Variants in LRP11 observed in about 807,000 individuals in gnomAD.
The protein encoded by LRP11 is low-density lipoprotein receptor-related protein 11.
In LRP11, 25 loss-of-function variants were observed where a neutral mutation model predicts 43.1. That is an observed-to-expected ratio of 0.58 (90% CI 0.42 to 0.81). The LOEUF (loss-of-function observed/expected upper bound fraction) is 0.81. Among genes scored for constraint, LRP11 ranks in the 30% least tolerant of loss-of-function variants. The pLI is 0.00. For synonymous variants in LRP11, 316 were observed against 299.4 expected (o/e 1.06, Z -0.57); for missense variants, 623 against 665.1 (o/e 0.94, Z 0.70).
Position 149,863,855 on chromosome 6 carries a change from C to T in LRP11, c.166G>A (p.Glu56Lys), listed in dbSNP as rs1455672466. ...CGGCGGAACTCCTCCAGCAGCTGCT[C>T]CACGCCCGACAGCTGCGCGTGCAGT... ...SELHAQLSGV[E>K]QLLEEFRRQL... Residue 56 changes from glutamate to lysine, a missense_variant, in exon 1 of 7, where the codon GAG (glutamate) becomes AAG (lysine). Glu to Lys is a moderately conservative substitution (Grantham distance 56, BLOSUM62 1). Coordinates refer to ENST00000239367, the MANE Select transcript of LRP11 (RefSeq NM_032832.6). The T allele has an allele frequency of 4.0e-6, 6 of 1,511,682 alleles. No homozygotes were observed. The highest frequency in any genetic ancestry group is 5.3e-6 in the Non-Finnish European group (6 of 1,139,376). 93.6% of individuals were successfully genotyped at this position (1,511,682 alleles called of 1,614,324 possible).
chr6:149,863,740 C>T lies in LRP11; in HGVS notation c.281G>A (p.Ser94Asn), dbSNP rs548167870. ...GTCAGGCATTGCGCTGTAGCCGCCG[C>T]TGCCCGGGCCCGGGCAGTCCTCCTG... is the stretch of plus-strand genomic sequence containing the variant. Reference protein sequence around the residue: ...GPQEDCPGPGSGGYSAMPDAI... With the variant: ...GPQEDCPGPGNGGYSAMPDAI... The change falls in exon 1 of 7, where the codon AGC becomes AAC. Residue 94 changes from serine (S) to asparagine (N), a missense_variant. Transcript: ENST00000239367. 1 of 1,478,482 alleles carries T rather than the reference C, an allele frequency of 6.8e-7. No individual in the cohort carries two copies. Among genetic ancestry groups the T allele is most frequent in the Non-Finnish European group, 8.9e-7 (1 of 1,121,382 alleles). 91.6% of individuals were successfully genotyped at this position (1,478,482 alleles called of 1,614,324 possible). A position where few individuals can be genotyped will look rare whatever the true frequency, so the allele number is the denominator to read the frequency against.
Position 149,863,974 on chromosome 6 carries a change from G to A in LRP11, c.47C>T (p.Pro16Leu), listed in dbSNP as rs1306344784. The change falls in exon 1 of 7, where the codon CCG (proline) becomes CTG (leucine). Residue 16 changes from proline (P) to leucine (L), a missense_variant. By Grantham distance (98) the Pro-to-Leu change is moderately conservative. Coordinates refer to ENST00000239367, the MANE Select transcript of LRP11 (RefSeq NM_032832.6). Reference sequence around the variant, plus strand: ...CCCGCGCAGCGCCCCGTGACGCGGCGGTAGCCGGCGCTGCGAGCCCGCGCT... The same window carrying A: ...CCCGCGCAGCGCCCCGTGACGCGGCAGTAGCCGGCGCTGCGAGCCCGCGCT... ...QESAGSQRRL[P>L]PRHGALRGLL... is the part of the protein sequence containing the mutation. 7.1e-6 allele frequency: 10 copies of A among 1,414,356 alleles called. No homozygotes were observed. The highest frequency in any genetic ancestry group is 9.2e-6 in the Non-Finnish European group (10 of 1,091,528). 87.6% of individuals were successfully genotyped at this position (1,414,356 alleles called of 1,614,324 possible).
intron 3 of LRP11, among the ~76,000 whole-genome samples, chr6:149,839,385 A>C (rs1776515999): frequency 1.3e-5 from 2 of 152,212 alleles, no homozygotes; most frequent in African/African-American, 4.8e-5. Flanking sequence ...ATGGGCCTGA[A>C]GGAGAGTCAG....
At chr6:149,833,186 C>T (rs1776431539) in intron 5 of LRP11, among the ~76,000 whole-genome samples, 1 of 152,178 alleles carries the variant, frequency 6.6e-6, no homozygotes. Context: ...ATCCGCCCAC[C>T]TCGGCCTCCC....
intron 1 of LRP11, among the ~76,000 whole-genome samples, chr6:149,857,038 G>A (rs1583097182): frequency 3.9e-5 from 6 of 152,282 alleles, no homozygotes; most frequent in African/African-American, 1.4e-4. Flanking sequence ...TCCCTATGGT[G>A]CTGCTGATAA....
chr6:149,863,187 GC>G (rs1776954217), intron 1 of LRP11, among the ~76,000 whole-genome samples: 1 of 152,106 alleles, frequency 6.6e-6, no homozygotes, highest in Admixed American at 6.6e-5. Context: ...TTCTCTTCAA[GC>G]CTAGAAAAAT....
chr6:149,864,352 C>T lies in LRP11; in HGVS notation c.-332G>A, dbSNP rs1288648417. On this transcript the variant is annotated 5_prime_UTR_variant, in exon 1 of 7. Coordinates refer to ENST00000239367, the MANE Select transcript of LRP11 (RefSeq NM_032832.6). The stretch of plus-strand genomic sequence containing the variant: ...GGCGTTGATCAGCACCAGGTGTGTG[C>T]GAACAGTGGCCGCGGCGGGGTGGAG... 1.2e-5 allele frequency: 12 copies of T among 1,000,748 alleles called. No homozygotes were observed. Among genetic ancestry groups the T allele is most frequent in the Non-Finnish European group, 1.4e-5 (12 of 840,364 alleles). The allele number at this position is 1,000,748 out of a possible 1,614,324, so 62.0% of individuals were successfully genotyped here. A position where few individuals can be genotyped will look rare whatever the true frequency, so the allele number is the denominator to read the frequency against.
chr6:149,864,342 C>CG lies in LRP11; in HGVS notation c.-323_-322insC. ...AGTCGGCCTCGGCGTTGATCAGCACCAGGTGTGTGCGAACAGTGGCCGCGG... is the reference window on the plus strand; with the variant it reads ...AGTCGGCCTCGGCGTTGATCAGCACCGAGGTGTGTGCGAACAGTGGCCGCGG... On this transcript the variant is annotated 5_prime_UTR_variant, in exon 1 of 7. Transcript: ENST00000239367. 1 of 1,007,178 alleles carries CG rather than the reference C, an allele frequency of 9.9e-7. No homozygotes were observed. Among genetic ancestry groups the CG allele is most frequent in the East Asian group, 9.9e-5 (1 of 10,126 alleles). The allele number at this position is 1,007,178 out of a possible 1,614,324, so 62.4% of individuals were successfully genotyped here. A position where few individuals can be genotyped will look rare whatever the true frequency, so the allele number is the denominator to read the frequency against.
chr6:149,840,822 G>C (rs1776535208), intron 3 of LRP11, among the ~76,000 whole-genome samples: 1 of 152,192 alleles, frequency 6.6e-6, no homozygotes, highest in Admixed American at 6.5e-5. Context: ...GTCTCCACTG[G>C]TCCTGGTGGC....
At chr6:149,846,051 C>G (rs536460591) in intron 2 of LRP11, among the ~76,000 whole-genome samples, 1 of 152,302 alleles carries the variant, frequency 6.6e-6, no homozygotes, top group Non-Finnish European at 1.5e-5. Flanking sequence ...TCTGGGAAGA[C>G]CAGGGTCTGC....
At chr6:149,842,887 G>A in intron 3 of LRP11, 96 bp downstream of exon 3, 2 of 1,410,612 alleles carry the variant, frequency 1.4e-6, no homozygotes. Flanking sequence ...AAAATAAAAT[G>A]GAAGAGCCCA....
At chr6:149,840,461 A>G (rs1480136028) in intron 3 of LRP11, among the ~76,000 whole-genome samples, 1 of 152,170 alleles carries the variant, frequency 6.6e-6, no homozygotes, top group Non-Finnish European at 1.5e-5. Context: ...GTTTATTATC[A>G]TCTTGGAGAA....
chr6:149,832,524 C>A (rs1776421545), intron 5 of LRP11, among the ~76,000 whole-genome samples: 1 of 151,948 alleles, frequency 6.6e-6, no homozygotes, highest in African/African-American at 2.4e-5. Context: ...CATGTCTGTG[C>A]AGGAAGGAGG....
intron 2 of LRP11, among the ~76,000 whole-genome samples, chr6:149,850,640 T>A (rs1776704814): frequency 6.6e-6 from 1 of 152,196 alleles, no homozygotes; most frequent in African/African-American, 2.4e-5. Flanking sequence ...AATAGATCGG[T>A]TAGTATCTAC....
intron 1 of LRP11, among the ~76,000 whole-genome samples, chr6:149,861,824 A>C (rs956814717): frequency 1.3e-5 from 2 of 152,170 alleles, no homozygotes; most frequent in Admixed American, 1.3e-4. Context: ...TGGCGTCTCC[A>C]AGTAATCTAA....
chr6:149,855,721 A>C (rs1281852113), intron 1 of LRP11, among the ~76,000 whole-genome samples: 2 of 148,776 alleles, frequency 1.3e-5, no homozygotes, highest in Non-Finnish European at 1.5e-5. Flanking sequence ...TTAAAAAAAA[A>C]ACACATTATG....
rs1418490467 is a variant in LRP11, at chr6:149,827,642, T to C, written c.1253-1283A>G. Among the ~76,000 whole-genome samples the C allele has an allele frequency of 6.6e-6, 1 of 152,218 alleles. No homozygotes were observed. The highest frequency in any genetic ancestry group is 6.5e-5 in the Admixed American group (1 of 15,284). On this transcript the variant is annotated intron_variant, in intron 5 of 6. Transcript: ENST00000239367. This position sits in a 1 kb window ranked among gnomAD's most constrained non-coding sequence, Gnocchi z 4.2. ...GAGATGAGGAAAGCACAGCCATTGCTCATAGGCTGCAGGATCAGATTTCCC... is the reference window on the plus strand; with the variant it reads ...GAGATGAGGAAAGCACAGCCATTGCCCATAGGCTGCAGGATCAGATTTCCC...
intron 5 of LRP11, among the ~76,000 whole-genome samples, chr6:149,826,955 AATTATT>A: frequency 6.8e-6 from 1 of 146,910 alleles, no homozygotes; most frequent in East Asian, 2.0e-4. Flanking sequence ...CTGAGGGGGA[AATTATT>A]ATTATTTATT....
In LRP11 at chr6:149,863,429, C is replaced by T; in HGVS notation, c.592G>A (p.Ala198Thr). 1 of 1,312,858 alleles carries T rather than the reference C, an allele frequency of 7.6e-7. No homozygotes were observed. The highest frequency in any genetic ancestry group is 9.6e-7 in the Non-Finnish European group (1 of 1,038,572). 81.3% of individuals were successfully genotyped at this position (1,312,858 alleles called of 1,614,324 possible). The change falls in exon 1 of 7, where the codon GCG becomes ACG. Residue 198 changes from alanine (A) to threonine (T), a missense_variant. By Grantham distance (58) the Ala-to-Thr change is moderately conservative. Transcript: ENST00000239367. ...TTACCCTGCCGGGGCGAGGCGCGCG[C>T]GGTGGCCAGGGCGGCGCCGTCCGGC... is the stretch of plus-strand genomic sequence containing the variant. Reference protein sequence around the residue: ...RAPDGAALATARASPRQEKDA... With the variant: ...RAPDGAALATTRASPRQEKDA...
Sources: gnomAD v4.1 joint callset for allele counts (sites outside exome capture counted in the v4.1 genomes callset) on GRCh38, gnomAD v4.1.1 for gene constraint, Gnocchi (gnomAD v3.1) non-coding constraint, MANE v1.5 for transcripts, NCBI Gene and HGNC (gene_info 2026-07-23, HGNC 2026-07-21) for gene names.